Variants in NFKBIL1 observed in about 807,000 individuals in gnomAD.
The protein encoded by NFKBIL1 is NF-kappa-B inhibitor-like protein 1.
NFKBIL1 carries 30 observed loss-of-function variants against 45.4 expected under a neutral mutation model. The observed-to-expected ratio is 0.66, with a 90% CI of 0.49 to 0.90. The LOEUF (loss-of-function observed/expected upper bound fraction) is 0.90. NFKBIL1 is among the 40% of genes least tolerant of loss of function. NFKBIL1 has a pLI of 0.00. For synonymous variants in NFKBIL1, 179 were observed against 197.3 expected (o/e 0.91, Z 0.78); for missense variants, 434 against 513.4 (o/e 0.85, Z 1.49).
Position 31,548,146 on chromosome 6 carries a change from CTT to C in NFKBIL1, c.58-12_58-11del. The C allele has an allele frequency of 6.2e-7, 1 of 1,613,134 alleles. No homozygotes were observed. The highest frequency in any genetic ancestry group is 1.1e-5 in the South Asian group (1 of 91,082). ...CCAAGGCTGAAGTCCTGACTGCTGC[CTT>C]TTTTCCTTCCCCAGCCCAAGAGTTC... On this transcript the variant is annotated splice_polypyrimidine_tract_variant and intron_variant, in intron 1 of 3. Transcript: ENST00000376148.
At chr6:31,548,467 C>T (rs202157750) in intron 2 of NFKBIL1, 28 bp downstream of exon 2, 56 of 1,478,262 alleles carry the variant, frequency 3.8e-5, no homozygotes, top group Admixed American at 3.2e-4. Flanking sequence ...GGAACAAGGT[C>T]ATAAGCAGCT....
At chr6:31,552,433 G>A (rs915180073) in intron 2 of NFKBIL1, among the ~76,000 whole-genome samples, 4 of 151,604 alleles carry the variant, frequency 2.6e-5, no homozygotes, top group Non-Finnish European at 2.9e-5. Context: ...GACTGTAGGC[G>A]TATGCCACCA....
intron 2 of NFKBIL1, among the ~76,000 whole-genome samples, chr6:31,554,061 G>T (rs1769582087): frequency 6.6e-6 from 1 of 152,210 alleles, no homozygotes; most frequent in South Asian, 2.1e-4. Context: ...CTTCCTAAGA[G>T]TGAAGTGAAA....
rs201715449 is a variant in NFKBIL1 at position 31,548,173 on chromosome 6, C to G, written c.68C>G (p.Ser23Cys). The G allele has an allele frequency of 1.1e-5, 18 of 1,613,028 alleles. No homozygotes were observed. The highest frequency in any genetic ancestry group is 1.5e-5 in the Non-Finnish European group (18 of 1,180,054). Residue 23 changes from serine to cysteine, a missense_variant, in exon 2 of 4, where the codon TCC becomes TGC. Around this residue, in one of 4 missense-constraint regions of NFKBIL1, gnomAD observed 231 missense variants for 264.1 expected, o/e 0.87. Coordinates refer to ENST00000376148, the MANE Select transcript of NFKBIL1 (RefSeq NM_005007.4). ...TTTTTCCTTCCCCAGCCCAAGAGTT[C>G]CATGGCCTCCACTTCCCGCCGCCAA... ...ASTSVCRPKS[S>C]MASTSRRQRR...
At chr6:31,547,380 C>T (rs1769101256), upstream of NFKBIL1, among the ~76,000 whole-genome samples, 1 of 147,456 alleles carries the variant, frequency 6.8e-6, no homozygotes, top group African/African-American at 2.5e-5. Flanking sequence ...CTCCAAATAA[C>T]TCTCTTTTCT....
At chr6:31,555,975 A>G (rs1416568210) in intron 2 of NFKBIL1, among the ~76,000 whole-genome samples, 4 of 150,672 alleles carry the variant, frequency 2.7e-5, no homozygotes, top group South Asian at 4.2e-4. Context: ...GATCCTCTCT[A>G]CAGTTTTGTA....
At chr6:31,554,435 T>A (rs1358705445) in intron 2 of NFKBIL1, among the ~76,000 whole-genome samples, 2 of 151,962 alleles carry the variant, frequency 1.3e-5, no homozygotes, top group African/African-American at 2.4e-5. Context: ...AAAGCTTTTT[T>A]AAAGATAGAT....
Position 31,547,680 on chromosome 6 carries a change from GC to G in NFKBIL1, c.-14del, listed in dbSNP as rs1472884829. The G allele has an allele frequency of 7.5e-6, 12 of 1,602,148 alleles. No individual in the cohort carries two copies. Among genetic ancestry groups the G allele is most frequent in the Non-Finnish European group, 1.0e-5 (12 of 1,172,148 alleles). On this transcript the variant is annotated 5_prime_UTR_variant, in exon 1 of 4. Coordinates refer to ENST00000376148, the MANE Select transcript of NFKBIL1 (RefSeq NM_005007.4). ...TACGGCTCTGGGGGTACTTGGGGGG[GC>G]GGGGGCAGGTCTGATGAGTAACCCC...
At chr6:31,548,460 A>G (rs772061417) in intron 2 of NFKBIL1, 21 bp downstream of exon 2, 1 of 1,488,134 alleles carries the variant, frequency 6.7e-7, no homozygotes. Context: ...TCAGTGGGGA[A>G]CAAGGTCATA....
Position 31,557,876 on chromosome 6 carries a change from T to C in NFKBIL1, c.556+27T>C. 6.4e-7 allele frequency: 1 copy of C among 1,554,630 alleles called. No individual in the cohort carries two copies. Among genetic ancestry groups the C allele is most frequent in the Non-Finnish European group, 8.7e-7 (1 of 1,142,868 alleles). On this transcript the variant is annotated intron_variant, in intron 3 of 3. Transcript: ENST00000376148. The surrounding 1 kb of genome is among the most constrained non-coding windows in gnomAD (Gnocchi z 5.4). ...TGAGAAGTCCACTGCTATCCACAGC[T>C]GCCCTTCCCCACTGGCTGCTTTCCA...
intron 2 of NFKBIL1, among the ~76,000 whole-genome samples, chr6:31,551,868 C>T (rs2150362959): frequency 6.6e-6 from 1 of 152,258 alleles, no homozygotes; most frequent in African/African-American, 2.4e-5. Context: ...AGTATCTTGA[C>T]TCACTGCCAC....
chr6:31,546,868 C>T, upstream of NFKBIL1: 1 of 413,758 alleles, frequency 2.4e-6, no homozygotes, highest in Non-Finnish European at 4.4e-6. This position sits in a 1 kb window ranked among gnomAD's most constrained non-coding sequence, Gnocchi z 4.1. Context: ...TCGGAAAGGT[C>T]TAGGGATGAG....
intron 1 of NFKBIL1, among the ~76,000 whole-genome samples, 192 bp downstream of exon 1, chr6:31,547,943 T>G (rs1051818210): frequency 1.3e-5 from 2 of 152,016 alleles, no homozygotes; most frequent in Non-Finnish European, 2.9e-5. Flanking sequence ...AATTTTACAT[T>G]AAAAAAATTA....
chr6:31,557,374 C>T lies in NFKBIL1; in HGVS notation c.335-254C>T, dbSNP rs1258123656. 1.3e-5 allele frequency among the ~76,000 whole-genome samples: 2 copies of T among 152,190 alleles called. No homozygotes were observed. Among genetic ancestry groups the T allele is most frequent in the East Asian group, 1.9e-4 (1 of 5,198 alleles). ...CCGCCCGCCTCGGACTCCCAAAGTG[C>T]TGGGATTACAGGCGTGAGCCACCGC... On this transcript the variant is annotated intron_variant, in intron 2 of 3. Coordinates refer to ENST00000376148, the MANE Select transcript of NFKBIL1 (RefSeq NM_005007.4). The surrounding 1 kb of genome is among the most constrained non-coding windows in gnomAD (Gnocchi z 5.4).
intron 2 of NFKBIL1, chr6:31,556,605 G>C: frequency 2.3e-6 from 1 of 443,410 alleles, no homozygotes; most frequent in Non-Finnish European, 4.6e-6. Context: ...CTGAAGAAAA[G>C]GGGAGTTCAG....
chr6:31,547,290 A>G (rs1769091964), upstream of NFKBIL1, among the ~76,000 whole-genome samples: 1 of 147,964 alleles, frequency 6.8e-6, no homozygotes, highest in South Asian at 2.1e-4. Context: ...TATCTCCTCT[A>G]TTTTCTCTGT....
intron 2 of NFKBIL1, among the ~76,000 whole-genome samples, chr6:31,551,588 C>T (rs28732141): frequency 0.028 from 4,299 of 151,712 alleles, 67 homozygotes; most frequent in South Asian, 0.052. Flanking sequence ...CATTCAGCTT[C>T]CAGCTTCCTT....
In NFKBIL1 at chr6:31,558,217, G is replaced by A. The variant is rs149963082; in HGVS notation, c.752G>A (p.Arg251Gln). 1,953 of 1,597,688 alleles carry A rather than the reference G, an allele frequency of 1.2e-3. 16 individuals carry two copies. Among genetic ancestry groups the A allele is most frequent in the Non-Finnish European group, 5.2e-4 (610 of 1,172,970 alleles). ...CAGCGGCTCTTCAGGGAGCGAGCCC[G>A]GGCCAAGGAGGAAGAGCTGCGTGAG... ...EEQRLFRERA[R>Q]AKEEELRESR... Residue 251 changes from arginine (R) to glutamine (Q), a missense_variant, in exon 4 of 4, where the codon CGG becomes CAG. By Grantham distance (43) the Arg-to-Gln change is conservative. This residue lies in a region of NFKBIL1 where 128 missense variants were observed against 106.5 expected (regional missense o/e 1.20). Transcript: ENST00000376148. This position sits in a 1 kb window ranked among gnomAD's most constrained non-coding sequence, Gnocchi z 7.2.
intron 2 of NFKBIL1, among the ~76,000 whole-genome samples, chr6:31,550,652 C>A (rs1029447080): frequency 9.9e-5 from 15 of 152,052 alleles, no homozygotes; most frequent in African/African-American, 3.4e-4. Flanking sequence ...CCTCTGTGAG[C>A]CCAATTTGCC....
Sources: allele counts gnomAD v4.1 joint callset (sites outside exome capture counted in the v4.1 genomes callset), GRCh38; gene constraint gnomAD v4.1.1; regional missense constraint gnomAD v4.1.1; non-coding constraint Gnocchi (gnomAD v3.1); transcripts MANE v1.5; gene names NCBI Gene and HGNC (gene_info 2026-07-23, HGNC 2026-07-21).